The following CADM2 variants were observed in gnomAD, a reference collection of about 807,000 sequenced individuals.
CADM2 encodes cell adhesion molecule 2.
Under a neutral mutation model 49.8 loss-of-function variants are expected in CADM2, and 12 were observed. The observed-to-expected ratio is 0.24, with a 90% CI of 0.15 to 0.39. The LOEUF (loss-of-function observed/expected upper bound fraction) is 0.39, where lower values mean the gene tolerates loss of function less well. Among genes scored for constraint, CADM2 ranks in the 10% least tolerant of loss-of-function variants. The probability of loss-of-function intolerance (pLI) is 1.00; values close to 1 mark genes in which losing one functional copy is unlikely to be tolerated. For synonymous variants in CADM2, 214 were observed against 175.4 expected (o/e 1.22, Z -1.74); for missense variants, 378 against 492.3 (o/e 0.77, Z 2.20).
intron 1 of CADM2, among the ~76,000 whole-genome samples, chr3:84,968,946 A>G (rs1261407507): frequency 4.6e-5 from 7 of 152,010 alleles, no homozygotes; most frequent in African/African-American, 1.7e-4. Flanking sequence ...TTTGGATGCA[A>G]TTTGAATACT....
intron 1 of CADM2, among the ~76,000 whole-genome samples, chr3:85,577,236 C>T (rs539708159): frequency 3.3e-5 from 5 of 152,084 alleles, no homozygotes; most frequent in South Asian, 4.1e-4. Flanking sequence ...TTGAACGTGT[C>T]CCCCGGAGTT....
intron 8 of CADM2, among the ~76,000 whole-genome samples, chr3:86,028,914 G>A (rs1234641055): frequency 1.3e-5 from 2 of 152,102 alleles, no homozygotes; most frequent in Non-Finnish European, 2.9e-5. Context: ...TTTATAGCAT[G>A]ATTTTCAAGT....
intron 1 of CADM2, among the ~76,000 whole-genome samples, chr3:85,175,298 G>A (rs1287017706): frequency 6.6e-6 from 1 of 152,098 alleles, no homozygotes; most frequent in Non-Finnish European, 1.5e-5. Flanking sequence ...GTGAAAGCTA[G>A]GACTTTCTCA....
intron 1 of CADM2, among the ~76,000 whole-genome samples, chr3:85,481,672 G>T (rs1394768628): frequency 6.6e-6 from 1 of 151,678 alleles, no homozygotes; most frequent in East Asian, 1.9e-4. Flanking sequence ...TTTTAGAGAA[G>T]AAAAGCATTT....
chr3:85,484,668 C>G (rs1270491171), intron 1 of CADM2, among the ~76,000 whole-genome samples: 3 of 151,908 alleles, frequency 2.0e-5, no homozygotes, highest in African/African-American at 7.2e-5. Flanking sequence ...TTCCTGCTTT[C>G]TTACCGTCAC....
At chr3:85,240,457 G>C (rs2042506235) in intron 1 of CADM2, among the ~76,000 whole-genome samples, 1 of 151,272 alleles carries the variant, frequency 6.6e-6, no homozygotes, top group Admixed American at 6.6e-5. Context: ...TATTTAATTA[G>C]ACCAACATCA....
intron 1 of CADM2, among the ~76,000 whole-genome samples, chr3:85,122,668 T>A (rs990840450): frequency 6.6e-6 from 1 of 152,118 alleles, no homozygotes; most frequent in African/African-American, 2.4e-5. Flanking sequence ...GTTTATTTAT[T>A]TATAGCCAAA....
chr3:85,480,234 T>A (rs1194396932), intron 1 of CADM2, among the ~76,000 whole-genome samples: 1 of 151,948 alleles, frequency 6.6e-6, no homozygotes, highest in African/African-American at 2.4e-5. Context: ...TAAATTTTGT[T>A]CATTACTCCA....
chr3:85,821,411 A>T (rs770153629), intron 3 of CADM2, among the ~76,000 whole-genome samples: 2 of 152,162 alleles, frequency 1.3e-5, no homozygotes, highest in African/African-American at 4.8e-5. Flanking sequence ...TTTTAAGTCT[A>T]TATCACCCAC....
chr3:86,048,213 C>T lies in CADM2; in HGVS notation c.971-17392C>T, dbSNP rs184395064. Among the ~76,000 whole-genome samples, 8 of 151,530 alleles carry T rather than the reference C, an allele frequency of 5.3e-5. No homozygotes were observed. In the East Asian group the frequency reaches 5.8e-4, roughly 11 times the overall value. On this transcript the variant is annotated intron_variant, in intron 8 of 9. Transcript: ENST00000383699. ...TATTTTATTTTCAAAGTTAGAAAAA[C>T]GAATATATATGTATTTGTTTAAAGA...
intron 1 of CADM2, among the ~76,000 whole-genome samples, chr3:85,019,131 G>A (rs752701171): frequency 8.5e-5 from 13 of 152,286 alleles, no homozygotes; most frequent in Admixed American, 1.3e-4. Flanking sequence ...ACAAATTTAG[G>A]TGGTTACTAG....
At chr3:85,641,394 G>T (rs958315699) in intron 1 of CADM2, among the ~76,000 whole-genome samples, 9 of 152,276 alleles carry the variant, frequency 5.9e-5, no homozygotes, top group Middle Eastern at 3.4e-3. Context: ...TTGGCTTCCA[G>T]TTCTTAAATA....
At chr3:85,337,250 T>C (rs1277051832) in intron 1 of CADM2, among the ~76,000 whole-genome samples, 1 of 150,518 alleles carries the variant, frequency 6.6e-6, no homozygotes, top group Non-Finnish European at 1.5e-5. Context: ...AGTGTGATGA[T>C]TTGTCTAAAT....
intron 1 of CADM2, among the ~76,000 whole-genome samples, chr3:85,462,570 G>A (rs1382997076): frequency 6.6e-6 from 1 of 152,016 alleles, no homozygotes. Flanking sequence ...ATTAATCTGG[G>A]TTCGTTTTAT....
At chr3:85,471,497 G>A (rs979411878) in intron 1 of CADM2, among the ~76,000 whole-genome samples, 2 of 152,016 alleles carry the variant, frequency 1.3e-5, no homozygotes, top group Admixed American at 1.3e-4. Context: ...TAAGCAATCT[G>A]TGCCAAAGAC....
At chr3:86,048,337 G>T (rs575986617) in intron 8 of CADM2, among the ~76,000 whole-genome samples, 1 of 151,794 alleles carries the variant, frequency 6.6e-6, no homozygotes, top group African/African-American at 2.4e-5. Flanking sequence ...ATGTTTTGTA[G>T]GAGAAAAATA....
chr3:85,879,880 A>T (rs1712482224), intron 3 of CADM2, among the ~76,000 whole-genome samples: 1 of 152,136 alleles, frequency 6.6e-6, no homozygotes, highest in African/African-American at 2.4e-5. Flanking sequence ...TTATATGTTT[A>T]GTTCTAGACA....
intron 1 of CADM2, among the ~76,000 whole-genome samples, chr3:85,249,719 T>A (rs1255073606): frequency 6.6e-6 from 1 of 151,944 alleles, no homozygotes; most frequent in African/African-American, 2.4e-5. Flanking sequence ...ATTGCAAATT[T>A]TTTAAAAATC....
At chr3:86,047,497 T>A (rs1462010548) in intron 8 of CADM2, among the ~76,000 whole-genome samples, 1 of 152,152 alleles carries the variant, frequency 6.6e-6, no homozygotes, top group Non-Finnish European at 1.5e-5. Context: ...TGCAAACTGA[T>A]TTAGTCATGA....
Sources: allele counts gnomAD v4.1 joint callset (sites outside exome capture counted in the v4.1 genomes callset), GRCh38; gene constraint gnomAD v4.1.1; transcripts MANE v1.5; gene names NCBI Gene and HGNC (gene_info 2026-07-23, HGNC 2026-07-21).